DEPDC1: variants seen among roughly 807,000 people sequenced by gnomAD.
DEPDC1 encodes the protein DEP domain-containing protein 1A.
Under a neutral mutation model 86.8 loss-of-function variants are expected in DEPDC1, and 66 were observed. The observed-to-expected ratio is 0.76, with a 90% CI of 0.62 to 0.93. The LOEUF is 0.93. DEPDC1 is among the 40% of genes least tolerant of loss of function. The pLI is 0.00. For missense variants in DEPDC1, 792 were observed against 935.7 expected, an observed-to-expected ratio of 0.85 and a Z score of 2.00; for synonymous variants, 255 against 314.9, an observed-to-expected ratio of 0.81 and a Z score of 2.02.
chr1:68,484,937 C>CATATATATATATAT (rs71581173), intron 6 of DEPDC1, among the ~76,000 whole-genome samples: 8 of 147,824 alleles, frequency 5.4e-5, no homozygotes, highest in South Asian at 2.1e-4. Context: ...CTTCTGGAGG[C>CATATATATATATAT]ATATATATAT....
chr1:68,489,748 C>A, intron 2 of DEPDC1, 140 bp from the exon 3 acceptor site: 1 of 566,914 alleles, frequency 1.8e-6, no homozygotes, highest in South Asian at 3.1e-5. Context: ...AATAAATTTT[C>A]CCATTAAACC....
chr1:68,489,433 T>C lies in DEPDC1; in HGVS notation c.471+19A>G, dbSNP rs763360668. On this transcript the variant is annotated intron_variant, in intron 3 of 11. Transcript: ENST00000456315. ...TCATAATTATATTTAAACTAGTAATTAGTAAAAGGATGTGTTACCTGAGAT... is the reference window on the plus strand; with the variant it reads ...TCATAATTATATTTAAACTAGTAATCAGTAAAAGGATGTGTTACCTGAGAT... The C allele has an allele frequency of 1.5e-5, 21 of 1,421,330 alleles. No individual in the cohort carries two copies. The highest frequency in any genetic ancestry group is 2.7e-5 in the Admixed American group (1 of 37,044). 88.0% of individuals were successfully genotyped at this position (1,421,330 alleles called of 1,614,324 possible). A position where few individuals can be genotyped will look rare whatever the true frequency, so the allele number is the denominator to read the frequency against.
Position 68,484,286 on chromosome 1 carries a change from T to G in DEPDC1, c.770-196A>C, listed in dbSNP as rs532202139. ...CACTGGAAGCAGTCAATTGCTAGTA[T>G]TTTGTTTAACATTTGTATACCTGAA... On this transcript the variant is annotated intron_variant, in intron 6 of 11. Coordinates refer to ENST00000456315, the MANE Select transcript of DEPDC1 (RefSeq NM_001114120.3). Among the ~76,000 whole-genome samples, 117 of 152,202 alleles carry G rather than the reference T, an allele frequency of 7.7e-4. 4 individuals carry two copies. In the South Asian group the frequency reaches 0.024, roughly 31 times the overall value.
At chr1:68,486,297 T>C (rs1457035424) in intron 6 of DEPDC1, among the ~76,000 whole-genome samples, 3 of 151,998 alleles carry the variant, frequency 2.0e-5, no homozygotes, top group Non-Finnish European at 4.4e-5. Flanking sequence ...GTACCACCTC[T>C]GCACACAACC....
At chr1:68,484,696 C>T (rs72674346) in intron 6 of DEPDC1, among the ~76,000 whole-genome samples, 10,989 of 151,870 alleles carry the variant, frequency 0.072, 522 homozygotes, top group African/African-American at 0.14. Flanking sequence ...GAAGTTAGAG[C>T]AGTGTAAAAT....
chr1:68,496,862 G>GGTAAAACTGCGAACGGTCGAT lies in DEPDC1; in HGVS notation c.48+89_48+90insATCGACCGTTCGCAGTTTTAC. Reference sequence around the variant, plus strand: ...TCCTGGGACTCATCCCTCCGACCGAGGTAAAACTGCGAACGGTCGAGGTAA... The same window carrying GGTAAAACTGCGAACGGTCGAT: ...TCCTGGGACTCATCCCTCCGACCGAGGTAAAACTGCGAACGGTCGATGTAAAACTGCGAACGGTCGAGGTAA... On this transcript the variant is annotated intron_variant, in intron 1 of 11. Transcript: ENST00000456315. The surrounding 1 kb of genome is among the most constrained non-coding windows in gnomAD (Gnocchi z 4.0). 1 of 1,358,004 alleles carries GGTAAAACTGCGAACGGTCGAT rather than the reference G, an allele frequency of 7.4e-7. No homozygotes were observed. The highest frequency in any genetic ancestry group is 1.0e-6 in the Non-Finnish European group (1 of 961,176). The allele number at this position is 1,358,004 out of a possible 1,614,324, so 84.1% of individuals were successfully genotyped here.
chr1:68,496,884 G>A lies in DEPDC1; in HGVS notation c.48+68C>T, dbSNP rs1646269623. ...CGAGGTAAAACTGCGAACGGTCGAG[G>A]TAAAACTGCGAACAGTGGTGACTGC... On this transcript the variant is annotated intron_variant, in intron 1 of 11. Coordinates refer to ENST00000456315, the MANE Select transcript of DEPDC1 (RefSeq NM_001114120.3). The surrounding 1 kb of genome is among the most constrained non-coding windows in gnomAD (Gnocchi z 4.0). 34 of 1,535,752 alleles carry A rather than the reference G, an allele frequency of 2.2e-5. No homozygotes were observed. The South Asian group carries it at 3.7e-4, about 17-fold the overall frequency.
chr1:68,487,545 A>G (rs1310071276), intron 5 of DEPDC1, among the ~76,000 whole-genome samples: 1 of 151,970 alleles, frequency 6.6e-6, no homozygotes, highest in African/African-American at 2.4e-5. Context: ...ATGAGGGAAT[A>G]TACTGTTAAC....
chr1:68,484,043 G>A lies in DEPDC1; in HGVS notation c.817C>T (p.Arg273Ter), dbSNP rs747838010. 3.8e-6 allele frequency: 6 copies of A among 1,584,392 alleles called. No individual in the cohort carries two copies. Among genetic ancestry groups the A allele is most frequent in the Admixed American group, 1.8e-5 (1 of 54,306 alleles). Residue 273 changes from arginine (R) to a stop codon, truncating the protein, a stop_gained, in exon 7 of 12, where the codon CGA becomes TGA. Coordinates refer to ENST00000456315, the MANE Select transcript of DEPDC1 (RefSeq NM_001114120.3). LOFTEE classifies it high-confidence loss of function. ...MNNPTYVGFERDVFRTIADYF... is the reference protein window; with the variant it reads ...MNNPTYVGFE ...TCTGCGATTGTTCTGAATACATCTCGTTCAAATCCAACATAAGTTGGATTA... is the reference window on the plus strand; with the variant it reads ...TCTGCGATTGTTCTGAATACATCTCATTCAAATCCAACATAAGTTGGATTA...
chr1:68,487,125 AG>A, intron 5 of DEPDC1, 141 bp from the exon 6 acceptor site: 2 of 609,102 alleles, frequency 3.3e-6, no homozygotes, highest in Non-Finnish European at 5.1e-6. Context: ...GTGTATTACC[AG>A]GATTAAAAAG....
chr1:68,489,448 T>C lies in DEPDC1; in HGVS notation c.471+4A>G. ...AACTAGTAATTAGTAAAAGGATGTG[T>C]TACCTGAGATAAATGTAATCCATGC... On this transcript the variant is annotated splice_donor_region_variant and intron_variant, in intron 3 of 11. Coordinates refer to ENST00000456315, the MANE Select transcript of DEPDC1 (RefSeq NM_001114120.3). The C allele has an allele frequency of 6.8e-7, 1 of 1,481,362 alleles. No homozygotes were observed. The highest frequency in any genetic ancestry group is 8.9e-7 in the Non-Finnish European group (1 of 1,118,556). The allele number at this position is 1,481,362 out of a possible 1,614,324, so 91.8% of individuals were successfully genotyped here.
intron 2 of DEPDC1, among the ~76,000 whole-genome samples, chr1:68,493,665 A>G (rs978399624): frequency 1.3e-5 from 2 of 152,200 alleles, no homozygotes; most frequent in Admixed American, 6.5e-5. Context: ...AGTTTCTGTT[A>G]TATCTTAACT....
intron 7 of DEPDC1, 72 bp from the exon 8 acceptor site, chr1:68,482,969 T>TA: frequency 6.9e-7 from 1 of 1,446,872 alleles, no homozygotes; most frequent in Non-Finnish European, 9.3e-7. Flanking sequence ...AAAACAATAG[T>TA]AAAGTTAAAA....
chr1:68,490,137 T>G (rs945095631), intron 2 of DEPDC1, among the ~76,000 whole-genome samples: 1 of 152,190 alleles, frequency 6.6e-6, no homozygotes, highest in Admixed American at 6.5e-5. Context: ...AAACTTTTAT[T>G]TTAAGTTCAG....
chr1:68,496,734 T>C lies in DEPDC1; in HGVS notation c.48+218A>G. Reference sequence around the variant, plus strand: ...TGCGGCCTACGCGCGGCGCTTCCTTTCGGACCTGAGGCCCAGACCCTCAAA... The same window carrying C: ...TGCGGCCTACGCGCGGCGCTTCCTTCCGGACCTGAGGCCCAGACCCTCAAA... On this transcript the variant is annotated intron_variant, in intron 1 of 11. Coordinates refer to ENST00000456315, the MANE Select transcript of DEPDC1 (RefSeq NM_001114120.3). The surrounding 1 kb of genome is among the most constrained non-coding windows in gnomAD (Gnocchi z 4.0). 1 of 466,788 alleles carries C rather than the reference T, an allele frequency of 2.1e-6. No individual in the cohort carries two copies. 28.9% of individuals were successfully genotyped at this position (466,788 alleles called of 1,614,324 possible). A position where few individuals can be genotyped will look rare whatever the true frequency, so the allele number is the denominator to read the frequency against.
At chr1:68,481,941 GA>G (rs994045895) in intron 8 of DEPDC1, 104 bp downstream of exon 8, 36 of 1,165,872 alleles carry the variant, frequency 3.1e-5, no homozygotes, top group South Asian at 3.9e-5. Flanking sequence ...CCTCTTGGAG[GA>G]AAAAAAATTA....
chr1:68,487,030 T>G, intron 5 of DEPDC1, 46 bp from the exon 6 acceptor site: 1 of 1,546,388 alleles, frequency 6.5e-7, no homozygotes, highest in Non-Finnish European at 8.8e-7. Context: ...ACATTTTTTA[T>G]GATAGTATAT....
chr1:68,479,309 G>T lies in DEPDC1; in HGVS notation c.1947C>A (p.Thr649=). ...AMGTRSLMIH[T]FSRCVLCCAE... ...CACAGCATAACACACATCGAGAAAA[G>T]GTATGTATCATCTAGAAAAATATTA... Residue 649 remains threonine, a synonymous_variant, in exon 10 of 12, where the codon ACC becomes ACA. Transcript: ENST00000456315. The T allele has an allele frequency of 1.3e-6, 2 of 1,587,090 alleles. No individual in the cohort carries two copies. The highest frequency in any genetic ancestry group is 1.7e-6 in the Non-Finnish European group (2 of 1,168,680).
At chr1:68,479,053 TAA>T (rs1027482717) in intron 10 of DEPDC1, 89 bp downstream of exon 10, 1 of 1,163,258 alleles carries the variant, frequency 8.6e-7, no homozygotes, top group Non-Finnish European at 1.2e-6. Flanking sequence ...TGGGAGCTGA[TAA>T]AGTCTCCCTT....
Sources: allele counts gnomAD v4.1 joint callset (sites outside exome capture counted in the v4.1 genomes callset), GRCh38; gene constraint gnomAD v4.1.1; non-coding constraint Gnocchi (gnomAD v3.1); transcripts MANE v1.5; gene names NCBI Gene and HGNC (gene_info 2026-07-23, HGNC 2026-07-21).